CCDC171: variants seen among roughly 807,000 people sequenced by gnomAD.
CCDC171 encodes the protein coiled-coil domain containing 171.
Under a neutral mutation model 168.2 loss-of-function variants are expected in CCDC171, and 177 were observed. The observed-to-expected ratio is 1.05, with a 90% CI of 0.93 to 1.19. The LOEUF (loss-of-function observed/expected upper bound fraction) is 1.19, where lower values mean the gene tolerates loss of function less well. Ranked by LOEUF, CCDC171 falls within the 50% of genes most tolerant of loss-of-function variation. The pLI is 0.00. For synonymous variants in CCDC171, 687 were observed against 540.8 expected, an observed-to-expected ratio of 1.27 and a Z score of -3.75; for missense variants, 1,991 against 1,539.0, an observed-to-expected ratio of 1.29 and a Z score of -4.91.
In CCDC171 at chr9:15,667,305, T is replaced by C. The variant is rs184154995; in HGVS notation, c.1076+982T>C. Among the ~76,000 whole-genome samples the C allele has an allele frequency of 2.4e-4, 37 of 152,286 alleles. 1 individual carries two copies. The highest frequency in any genetic ancestry group is 1.8e-3 in the Admixed American group (27 of 15,286). ...AATCTTAGTTTCTATTTATGGCAAG[T>C]AGATAATGGTTTTCCATTTATAGCC... On this transcript the variant is annotated intron_variant, in intron 9 of 25. Coordinates refer to ENST00000380701, the MANE Select transcript of CCDC171 (RefSeq NM_173550.4).
chr9:15,744,269 A>G lies in CCDC171; in HGVS notation c.2050-4A>G, dbSNP rs750446210. The G allele has an allele frequency of 1.9e-6, 3 of 1,575,220 alleles. No homozygotes were observed. Among genetic ancestry groups the G allele is most frequent in the East Asian group, 2.3e-5 (1 of 44,394 alleles). ...TCAAATATATTTTTTGACTTCTTCC[A>G]TAGAAATTTCAAGAAATTGCTGAAA... On this transcript the variant is annotated splice_polypyrimidine_tract_variant and splice_region_variant and intron_variant, in intron 16 of 25. Transcript: ENST00000380701.
intron 7 of CCDC171, among the ~76,000 whole-genome samples, chr9:15,625,541 C>T (rs1332359610): frequency 6.6e-6 from 1 of 152,156 alleles, no homozygotes; most frequent in African/African-American, 2.4e-5. Flanking sequence ...ATATGGCTAG[C>T]CAGTTTTCCC....
chr9:15,877,487 CTT>C (rs1818006450), intron 24 of CCDC171, among the ~76,000 whole-genome samples: 2 of 151,986 alleles, frequency 1.3e-5, no homozygotes, highest in East Asian at 3.9e-4. Flanking sequence ...TCTTCAAAAA[CTT>C]TAAATAATTT....
chr9:16,043,163 G>A (rs1293383644), intron 1 of CCDC171, among the ~76,000 whole-genome samples: 12 of 152,172 alleles, frequency 7.9e-5, no homozygotes, highest in African/African-American at 2.4e-4. Context: ...ATATATATGG[G>A]TTCTATATAA....
rs536717309 is a variant in CCDC171, at chr9:15,941,757, A to G, written c.3753+21335A>G. On this transcript the variant is annotated intron_variant, in intron 25 of 25. Transcript: ENST00000380701. ...TTTTAACTAGCCATTTAGAAACAAC[A>G]TACTCAATATTATATAAAAGAAGAC... is the stretch of plus-strand genomic sequence containing the variant. 2.0e-5 allele frequency among the ~76,000 whole-genome samples: 3 copies of G among 152,110 alleles called. No homozygotes were observed. In the South Asian group the frequency reaches 6.2e-4, roughly 31 times the overall value.
chr9:15,738,853 C>T (rs1027930297), intron 16 of CCDC171, among the ~76,000 whole-genome samples: 4 of 152,046 alleles, frequency 2.6e-5, no homozygotes, highest in Non-Finnish European at 4.4e-5. Context: ...CCTTTACACT[C>T]TAAAGCTTTT....
intron 10 of CCDC171, among the ~76,000 whole-genome samples, chr9:15,692,861 G>A (rs939725513): frequency 2.7e-5 from 4 of 150,516 alleles, no homozygotes; most frequent in African/African-American, 9.7e-5. Flanking sequence ...TCTAGGCCGG[G>A]CATGGTGGCT....
At chr9:15,768,859 A>T (rs566693322) in intron 18 of CCDC171, among the ~76,000 whole-genome samples, 4 of 152,190 alleles carry the variant, frequency 2.6e-5, no homozygotes, top group African/African-American at 9.6e-5. Context: ...TGTGTCACCT[A>T]TCTTCATCCG....
At chr9:15,957,420 G>A (rs529430716) in intron 25 of CCDC171, among the ~76,000 whole-genome samples, 3 of 152,244 alleles carry the variant, frequency 2.0e-5, no homozygotes, top group Admixed American at 1.3e-4. Flanking sequence ...ATATGGTTCC[G>A]TCTCACTTTC....
Position 15,590,298 on chromosome 9 carries a change from A to G in CCDC171, c.353-1068A>G, listed in dbSNP as rs192558300. Among the ~76,000 whole-genome samples the G allele has an allele frequency of 6.6e-5, 10 of 152,366 alleles. No individual in the cohort carries two copies. The East Asian group carries it at 1.5e-3, about 23-fold the overall frequency. ...TGATTGATTCAAAATGCAAAGAAAT[A>G]TAATTTAGAAATACTGCTAATATAG... On this transcript the variant is annotated intron_variant, in intron 4 of 25. Coordinates refer to ENST00000380701, the MANE Select transcript of CCDC171 (RefSeq NM_173550.4).
intron 14 of CCDC171, among the ~76,000 whole-genome samples, chr9:15,726,541 G>T (rs1053816337): frequency 6.6e-6 from 1 of 151,908 alleles, no homozygotes; most frequent in East Asian, 1.9e-4. Context: ...CTTATGAAAA[G>T]GTATAGCATA....
At chr9:15,730,314 T>G (rs2054075967) in intron 16 of CCDC171, among the ~76,000 whole-genome samples, 1 of 151,918 alleles carries the variant, frequency 6.6e-6, no homozygotes, top group South Asian at 2.1e-4. Flanking sequence ...AGTAATTCAC[T>G]ATGAGTTGTA....
At chr9:15,613,489 A>G (rs573105139) in intron 6 of CCDC171, among the ~76,000 whole-genome samples, 8 of 148,046 alleles carry the variant, frequency 5.4e-5, no homozygotes, top group African/African-American at 1.5e-4. Flanking sequence ...CTTAATAAAA[A>G]CAAATGGTTT....
chr9:16,024,862 CAGCCTGTATGCTGAG>C (rs1399882053), intron 6 of CCDC171, among the ~76,000 whole-genome samples: 1 of 152,222 alleles, frequency 6.6e-6, no homozygotes, highest in African/African-American at 2.4e-5. Flanking sequence ...CTGGGAAGCC[CAGCCTGTATGCTGAG>C]AACCTGCTAT....
At chr9:15,590,089 A>G (rs894086203) in intron 4 of CCDC171, among the ~76,000 whole-genome samples, 3 of 152,224 alleles carry the variant, frequency 2.0e-5, no homozygotes, top group Admixed American at 2.0e-4. Flanking sequence ...TTTCACGAGA[A>G]AAGAAAAATA....
Position 15,729,754 on chromosome 9 carries a change from C to G in CCDC171, c.2005C>G (p.Leu669Val), listed in dbSNP as rs771674785. Residue 669 changes from leucine to valine, a missense_variant, in exon 16 of 26, where the codon CTG becomes GTG. Coordinates refer to ENST00000380701, the MANE Select transcript of CCDC171 (RefSeq NM_173550.4). Reference sequence around the variant, plus strand: ...GCACAGACAAAAGAAGGAACTAGAGCTGCAGTATTCTGAACTCTTCCTGGA... The same window carrying G: ...GCACAGACAAAAGAAGGAACTAGAGGTGCAGTATTCTGAACTCTTCCTGGA... ...CWHRQKKELE[L>V]QYSELFLEVQ... 2 of 1,612,922 alleles carry G rather than the reference C, an allele frequency of 1.2e-6. No homozygotes were observed. Among genetic ancestry groups the G allele is most frequent in the African/African-American group, 2.7e-5 (2 of 74,864 alleles).
At chr9:15,675,199 T>TG (rs1386569105) in intron 9 of CCDC171, among the ~76,000 whole-genome samples, 3 of 145,416 alleles carry the variant, frequency 2.1e-5, no homozygotes, top group Admixed American at 6.9e-5. Flanking sequence ...TTTTTTTTTT[T>TG]TTTTTTTTTG....
At chr9:15,633,105 G>C (rs1343064413) in intron 7 of CCDC171, among the ~76,000 whole-genome samples, 1 of 152,158 alleles carries the variant, frequency 6.6e-6, no homozygotes, top group Non-Finnish European at 1.5e-5. Context: ...TCAGGACATA[G>C]GCATGGGCAA....
intron 21 of CCDC171, among the ~76,000 whole-genome samples, chr9:15,835,942 T>A (rs1309948499): frequency 3.3e-5 from 5 of 152,114 alleles, no homozygotes; most frequent in African/African-American, 1.2e-4. Context: ...TATTTTGTTA[T>A]TGTCTTCAAT....
Sources: allele counts gnomAD v4.1 joint callset (sites outside exome capture counted in the v4.1 genomes callset), GRCh38; gene constraint gnomAD v4.1.1; transcripts MANE v1.5; gene names NCBI Gene and HGNC (gene_info 2026-07-23, HGNC 2026-07-21).